SPINDOC: variants seen among roughly 807,000 people sequenced by gnomAD.
The protein encoded by SPINDOC is spindlin interactor and repressor of chromatin binding.
A neutral mutation model predicts 30.7 loss-of-function variants in SPINDOC; 13 were observed. That is an observed-to-expected ratio of 0.42 (90% CI 0.28 to 0.67). SPINDOC has a LOEUF of 0.67. Ranked by LOEUF, SPINDOC falls within the 30% of genes least tolerant of loss-of-function variation. The pLI, the probability that SPINDOC is intolerant of heterozygous loss-of-function variation, is 0.22. For synonymous variants in SPINDOC, 228 were observed against 211.4 expected (o/e 1.08, Z -0.68); for missense variants, 438 against 518.0 (o/e 0.85, Z 1.50).
At chr11:63,817,490 A>G (rs1159471611) in intron 1 of SPINDOC, among the ~76,000 whole-genome samples, 2 of 152,160 alleles carry the variant, frequency 1.3e-5, no homozygotes, top group African/African-American at 4.8e-5. Flanking sequence ...CAGCCCAATT[A>G]GGGTGGTCTG....
chr11:63,816,477 G>T (rs1244672839), intron 1 of SPINDOC, among the ~76,000 whole-genome samples: 1 of 152,056 alleles, frequency 6.6e-6, no homozygotes, highest in Admixed American at 6.6e-5. Flanking sequence ...TTCTGCCCAT[G>T]GTCGCATGAG....
At position 63,827,576 on chromosome 11, in the gene SPINDOC, C is replaced by G. The variant is rs2015686519; in HGVS notation, c.*437C>G. On this transcript the variant is annotated 3_prime_UTR_variant, in exon 6 of 6. Coordinates refer to ENST00000294244, the MANE Select transcript of SPINDOC (RefSeq NM_138471.3). Reference sequence around the variant, plus strand: ...TTGTTCAGGCTTCTAAACCAGGAGGCCTCCATTACCTCTTCCTGTCCCACC... The same window carrying G: ...TTGTTCAGGCTTCTAAACCAGGAGGGCTCCATTACCTCTTCCTGTCCCACC... The G allele has an allele frequency of 4.6e-6, 1 of 218,012 alleles. No individual in the cohort carries two copies. Among genetic ancestry groups the G allele is most frequent in the Admixed American group, 5.0e-5 (1 of 19,838 alleles). The allele number at this position is 218,012 out of a possible 1,614,324, so 13.5% of individuals were successfully genotyped here.
chr11:63,827,199 C>T lies in SPINDOC; in HGVS notation c.*60C>T. 2 of 1,581,720 alleles carry T rather than the reference C, an allele frequency of 1.3e-6. No individual in the cohort carries two copies. The highest frequency in any genetic ancestry group is 2.3e-5 in the East Asian group (1 of 43,664). On this transcript the variant is annotated 3_prime_UTR_variant, in exon 6 of 6. Coordinates refer to ENST00000294244, the MANE Select transcript of SPINDOC (RefSeq NM_138471.3). ...GGCAGCGTCCCCCAGTGGCTTATAA[C>T]TCAGAGCTGCCTGGCTCACCCACCT...
intron 5 of SPINDOC, among the ~76,000 whole-genome samples, chr11:63,822,125 C>G (rs769489191): frequency 2.0e-5 from 3 of 152,036 alleles, no homozygotes; most frequent in Non-Finnish European, 4.4e-5. Context: ...GGAAGATTGC[C>G]TGAGGCTAGG....
chr11:63,817,386 T>C (rs969741211), intron 1 of SPINDOC, among the ~76,000 whole-genome samples: 1 of 152,154 alleles, frequency 6.6e-6, no homozygotes, highest in Admixed American at 6.6e-5. Flanking sequence ...AGAATTTACC[T>C]TCCTCATCCT....
At chr11:63,817,725 C>T (rs2015379801) in intron 1 of SPINDOC, 80 bp from the exon 2 acceptor site, 1 of 1,298,886 alleles carries the variant, frequency 7.7e-7, no homozygotes, top group Non-Finnish European at 1.0e-6. Context: ...CCCACTCAAA[C>T]CACTGAGTCT....
chr11:63,824,426 G>A, intron 5 of SPINDOC, among the ~76,000 whole-genome samples: 1 of 152,154 alleles, frequency 6.6e-6, no homozygotes. Context: ...GAATGTAAGG[G>A]CCTGCAGGTT....
chr11:63,823,076 G>A (rs2015570993), intron 5 of SPINDOC: 2 of 1,210,380 alleles, frequency 1.7e-6, no homozygotes, highest in African/African-American at 3.1e-5. Context: ...GCCCGAGGGA[G>A]GCACCCTGGG....
In SPINDOC at chr11:63,818,712, A is replaced by T. The variant is rs915797133; in HGVS notation, c.733+60A>T. 6.2e-7 allele frequency: 1 copy of T among 1,611,588 alleles called. No homozygotes were observed. Among genetic ancestry groups the T allele is most frequent in the African/African-American group, 1.3e-5 (1 of 74,780 alleles). On this transcript the variant is annotated intron_variant, in intron 4 of 5. Coordinates refer to ENST00000294244, the MANE Select transcript of SPINDOC (RefSeq NM_138471.3). The surrounding 1 kb of genome is among the most constrained non-coding windows in gnomAD (Gnocchi z 5.3). ...GCCGCAGTGCTCTGAGGAAATCCGC[A>T]TCAGTGAGGATGGAGCAGGGCCTGG...
In SPINDOC at chr11:63,818,587, C is replaced by T. The variant is rs1215216498; in HGVS notation, c.668C>T (p.Pro223Leu). ...CGTGGTCAGAGATGGAAGGAACCCC[C>T]AGGGGAAGAGCCAGTCAGAAAGAAA... Reference protein sequence around the residue: ...KPRGQRWKEPPGEEPVRKKRG... With the variant: ...KPRGQRWKEPLGEEPVRKKRG... The change falls in exon 4 of 6, where the codon CCA (proline) becomes CTA (leucine). Residue 223 changes from proline to leucine, a missense_variant. Pro to Leu is a moderately conservative substitution (Grantham distance 98, BLOSUM62 -3). Coordinates refer to ENST00000294244, the MANE Select transcript of SPINDOC (RefSeq NM_138471.3). This position sits in a 1 kb window ranked among gnomAD's most constrained non-coding sequence, Gnocchi z 5.3. 1 of 1,613,746 alleles carries T rather than the reference C, an allele frequency of 6.2e-7. No individual in the cohort carries two copies. Among genetic ancestry groups the T allele is most frequent in the East Asian group, 2.2e-5 (1 of 44,868 alleles).
chr11:63,819,064 C>G lies in SPINDOC; in HGVS notation c.934+62C>G, dbSNP rs943602944. ...CGCAGGCAGCGCTCCTGGGCCAGGCCTCAGAGAGGCTGCTCTATGGCAGAG... is the reference window on the plus strand; with the variant it reads ...CGCAGGCAGCGCTCCTGGGCCAGGCGTCAGAGAGGCTGCTCTATGGCAGAG... On this transcript the variant is annotated intron_variant, in intron 5 of 5. Coordinates refer to ENST00000294244, the MANE Select transcript of SPINDOC (RefSeq NM_138471.3). 5.5e-6 allele frequency: 6 copies of G among 1,094,648 alleles called. No individual in the cohort carries two copies. In the African/African-American group the frequency reaches 9.7e-5, roughly 18 times the overall value. 67.8% of individuals were successfully genotyped at this position (1,094,648 alleles called of 1,614,324 possible).
Position 63,818,831 on chromosome 11 carries a change from A to G in SPINDOC, c.763A>G (p.Thr255Ala), listed in dbSNP as rs2015425504. ...CCCATCGCCAGACTCGCCCACGGAG[A>G]CTTTCGCAGCACCAGCCGAGGTCCG... ...EPPSPDSPTE[T>A]FAAPAEVRHF... Residue 255 changes from threonine (T) to alanine (A), a missense_variant, in exon 5 of 6, where the codon ACT becomes GCT. Physicochemically the swap from Thr to Ala is moderately conservative, Grantham distance 58 (BLOSUM62 0). Around this residue, in one of 3 missense-constraint regions of SPINDOC, gnomAD observed 300 missense variants for 332.8 expected, o/e 0.90. Coordinates refer to ENST00000294244, the MANE Select transcript of SPINDOC (RefSeq NM_138471.3). This position sits in a 1 kb window ranked among gnomAD's most constrained non-coding sequence, Gnocchi z 5.3. The G allele has an allele frequency of 6.2e-7, 1 of 1,613,750 alleles. No individual in the cohort carries two copies. The highest frequency in any genetic ancestry group is 1.1e-5 in the South Asian group (1 of 91,064).
chr11:63,823,125 C>T (rs776137336), intron 5 of SPINDOC: 2 of 1,288,196 alleles, frequency 1.6e-6, no homozygotes, highest in South Asian at 1.2e-5. Context: ...CCCCAAAATT[C>T]TGTGTCCAGG....
chr11:63,826,903 GCT>G, intron 5 of SPINDOC, 23 bp from the exon 6 acceptor site: 6 of 1,204,080 alleles, frequency 5.0e-6, no homozygotes, highest in Non-Finnish European at 7.4e-6. Context: ...GGCTCTGACT[GCT>G]CTCTGCTCTC....
intron 1 of SPINDOC, among the ~76,000 whole-genome samples, chr11:63,815,179 G>A (rs1282526775): frequency 6.6e-6 from 1 of 152,200 alleles, no homozygotes; most frequent in African/African-American, 2.4e-5. Context: ...TATATCGAGT[G>A]GTTCAGAAAG....
chr11:63,826,572 T>C (rs1289770744), intron 5 of SPINDOC, among the ~76,000 whole-genome samples: 1 of 152,130 alleles, frequency 6.6e-6, no homozygotes, highest in Non-Finnish European at 1.5e-5. Flanking sequence ...CCCGTTAGGC[T>C]AGGATGCCCA....
intron 5 of SPINDOC, chr11:63,823,388 C>T (rs922805521): frequency 6.7e-5 from 78 of 1,165,928 alleles, no homozygotes; most frequent in Non-Finnish European, 8.0e-5. Flanking sequence ...GTGTAAAAAT[C>T]GTGGATTTAA....
At position 63,827,482 on chromosome 11, in the gene SPINDOC, T is replaced by G. The variant is rs2015684063; in HGVS notation, c.*343T>G. On this transcript the variant is annotated 3_prime_UTR_variant, in exon 6 of 6. Coordinates refer to ENST00000294244, the MANE Select transcript of SPINDOC (RefSeq NM_138471.3). ...ACCATTCTCCCTTGGCACAGTGCCTTACACAAGAGTGGTCATAAGGGGGTT... is the reference window on the plus strand; with the variant it reads ...ACCATTCTCCCTTGGCACAGTGCCTGACACAAGAGTGGTCATAAGGGGGTT... The G allele has an allele frequency of 2.7e-6, 1 of 363,646 alleles. No individual in the cohort carries two copies. 22.5% of individuals were successfully genotyped at this position (363,646 alleles called of 1,614,324 possible).
intron 5 of SPINDOC, among the ~76,000 whole-genome samples, chr11:63,822,381 GAAAC>G (rs912750695): frequency 1.3e-4 from 14 of 106,696 alleles, no homozygotes; most frequent in South Asian, 3.0e-4. Context: ...AAAAAAAAAA[GAAAC>G]AAAGAAAAAA....
Sources: allele counts gnomAD v4.1 joint callset (sites outside exome capture counted in the v4.1 genomes callset), GRCh38; gene constraint gnomAD v4.1.1; regional missense constraint gnomAD v4.1.1; non-coding constraint Gnocchi (gnomAD v3.1); transcripts MANE v1.5; gene names NCBI Gene and HGNC (gene_info 2026-07-23, HGNC 2026-07-21).